ENPP3: variants seen among roughly 807,000 people sequenced by gnomAD.
ENPP3 encodes ectonucleotide pyrophosphatase/phosphodiesterase 3, also known as ectonucleotide pyrophosphatase/phosphodiesterase family member 3.
ENPP3 carries 104 observed loss-of-function variants against 117.8 expected under a neutral mutation model. The ratio of observed to expected loss-of-function variants is 0.88; its 90% CI spans 0.75 to 1.04. ENPP3 has a LOEUF of 1.04. Among genes scored for constraint, ENPP3 ranks in the 50% least tolerant of loss-of-function variants. The pLI, the probability that ENPP3 is intolerant of heterozygous loss-of-function variation, is 0.00. For missense variants in ENPP3, 1,026 were observed against 1,051.9 expected, an observed-to-expected ratio of 0.98 and a Z score of 0.34; for synonymous variants, 380 against 349.9, an observed-to-expected ratio of 1.09 and a Z score of -0.96.
At chr6:131,672,347 C>A (rs1778762762) in intron 7 of ENPP3, among the ~76,000 whole-genome samples, 1 of 152,038 alleles carries the variant, frequency 6.6e-6, no homozygotes, top group Admixed American at 6.6e-5. Context: ...TGTCCCCTTG[C>A]ATAGTGCTGA....
At chr6:131,729,296 A>G (rs1430229591) in intron 20 of ENPP3, among the ~76,000 whole-genome samples, 1 of 152,238 alleles carries the variant, frequency 6.6e-6, no homozygotes, top group Non-Finnish European at 1.5e-5. Context: ...ATACATAGTT[A>G]TTATCCTTAC....
chr6:131,724,931 G>A (rs900296044), intron 19 of ENPP3, among the ~76,000 whole-genome samples: 7 of 151,988 alleles, frequency 4.6e-5, no homozygotes, highest in Non-Finnish European at 1.0e-4. Context: ...AAAAACAGCA[G>A]GGCATGGTGG....
chr6:131,729,075 G>T (rs531087988), intron 20 of ENPP3, among the ~76,000 whole-genome samples: 1 of 151,880 alleles, frequency 6.6e-6, no homozygotes, highest in Non-Finnish European at 1.5e-5. Flanking sequence ...TGTATCTCTC[G>T]CTCTATTTAC....
chr6:131,688,789 C>T (rs1165550374), intron 14 of ENPP3, among the ~76,000 whole-genome samples: 7 of 151,476 alleles, frequency 4.6e-5, no homozygotes, highest in Admixed American at 4.0e-4. Context: ...CGGTGGCTGA[C>T]GCCTATAATC....
chr6:131,745,565 A>T (rs1780619175), intron 24 of ENPP3, among the ~76,000 whole-genome samples: 1 of 152,200 alleles, frequency 6.6e-6, no homozygotes, highest in South Asian at 2.1e-4. Context: ...AATGTCATAG[A>T]AACCCATGTT....
intron 12 of ENPP3, 26 bp from the exon 13 acceptor site, chr6:131,685,338 G>T (rs1285034824): frequency 6.3e-7 from 1 of 1,586,258 alleles, no homozygotes; most frequent in Admixed American, 1.7e-5. Flanking sequence ...CATTCAGTGG[G>T]TTATTATGAT....
intron 6 of ENPP3, among the ~76,000 whole-genome samples, chr6:131,661,009 T>C (rs1432461704): frequency 3.3e-5 from 5 of 152,238 alleles, no homozygotes; most frequent in Non-Finnish European, 5.9e-5. Context: ...CTAGCTTATT[T>C]CACTTAGTAT....
intron 11 of ENPP3, among the ~76,000 whole-genome samples, chr6:131,679,061 CTTTCTTTCTTTCTTTCTTTCTTTCTTTT>C (rs1778959932): frequency 7.9e-6 from 1 of 126,602 alleles, no homozygotes; most frequent in African/African-American, 3.3e-5. Context: ...TTCTTTCTTT[CTTTCTTTCTTTCTTTCTTTCTTTCTTTT>C]CTTCTTTCTT....
intron 24 of ENPP3, among the ~76,000 whole-genome samples, chr6:131,743,595 C>T (rs951279753): frequency 1.3e-5 from 2 of 151,810 alleles, no homozygotes; most frequent in Non-Finnish European, 2.9e-5. Context: ...TTTGGGAGGC[C>T]GAGGCAGGCA....
At chr6:131,657,719 G>A (rs1349582153) in intron 5 of ENPP3, among the ~76,000 whole-genome samples, 2 of 152,312 alleles carry the variant, frequency 1.3e-5, no homozygotes, top group East Asian at 3.9e-4. Flanking sequence ...CATCCTTGGT[G>A]GGGTGTGGTT....
chr6:131,685,275 C>A, intron 12 of ENPP3, 89 bp from the exon 13 acceptor site: 2 of 1,138,498 alleles, frequency 1.8e-6, no homozygotes, highest in Non-Finnish European at 2.6e-6. Flanking sequence ...AGATCTGTAA[C>A]ATAAAATGTC....
chr6:131,735,828 AT>A (rs1306253688), intron 21 of ENPP3, among the ~76,000 whole-genome samples: 1 of 152,066 alleles, frequency 6.6e-6, no homozygotes, highest in Non-Finnish European at 1.5e-5. Context: ...GGAGGGAGAA[AT>A]GGGGAGTTCC....
rs549232941 is a variant in ENPP3 at position 131,684,853 on chromosome 6, C to T, written c.1121-511C>T. On this transcript the variant is annotated intron_variant, in intron 12 of 24. Transcript: ENST00000357639. ...AGGCAGGAGTGCAGTGGCACAATCT[C>T]GGCTCACTGCAACTGCCACCTTCGA... is the stretch of plus-strand genomic sequence containing the variant. Among the ~76,000 whole-genome samples, 75 of 152,196 alleles carry T rather than the reference C, an allele frequency of 4.9e-4. No homozygotes were observed. In the Middle Eastern group the frequency reaches 0.01, roughly 21 times the overall value.
chr6:131,652,975 A>T, intron 5 of ENPP3, 84 bp downstream of exon 5: 1 of 864,060 alleles, frequency 1.2e-6, no homozygotes, highest in South Asian at 1.5e-5. Flanking sequence ...GCAGAGAGGA[A>T]TTTCCCCCAA....
intron 5 of ENPP3, among the ~76,000 whole-genome samples, chr6:131,654,016 C>T (rs1778322392): frequency 1.3e-5 from 2 of 151,840 alleles, no homozygotes; most frequent in South Asian, 2.1e-4. Context: ...CTTTTCTGGG[C>T]CAAGTAATGG....
At chr6:131,640,662 T>C (rs760346002) in intron 1 of ENPP3, among the ~76,000 whole-genome samples, 2 of 152,240 alleles carry the variant, frequency 1.3e-5, no homozygotes, top group African/African-American at 4.8e-5. Flanking sequence ...TAAAATACTT[T>C]CCTAAGTAAT....
chr6:131,664,416 A>G (rs1432499995), intron 6 of ENPP3, among the ~76,000 whole-genome samples: 1 of 152,242 alleles, frequency 6.6e-6, no homozygotes, highest in African/African-American at 2.4e-5. Context: ...TGTTATTACA[A>G]GAGAGTCAAA....
intron 2 of ENPP3, chr6:131,642,988 A>G (rs1204052664): frequency 6.6e-6 from 1 of 152,300 alleles, no homozygotes; most frequent in Non-Finnish European, 1.5e-5. Context: ...TTTAAATTTG[A>G]CTAAAACCTT....
chr6:131,719,233 T>C (rs1489813025), intron 16 of ENPP3, among the ~76,000 whole-genome samples: 2 of 151,940 alleles, frequency 1.3e-5, no homozygotes, highest in African/African-American at 4.8e-5. Context: ...GCCTTACAAA[T>C]ATTCAGGAGC....
Sources: allele counts gnomAD v4.1 joint callset (sites outside exome capture counted in the v4.1 genomes callset), GRCh38; gene constraint gnomAD v4.1.1; transcripts MANE v1.5; gene names NCBI Gene and HGNC (gene_info 2026-07-23, HGNC 2026-07-21).